The following HPF1 variants were observed in gnomAD, a reference collection of about 807,000 sequenced individuals.
The protein encoded by HPF1 is histone PARylation factor 1.
A neutral mutation model predicts 38.8 loss-of-function variants in HPF1; 35 were observed. The observed-to-expected ratio is 0.90, with a 90% CI of 0.69 to 1.19. The LOEUF is 1.19. Ranked by LOEUF, HPF1 falls within the 50% of genes most tolerant of loss-of-function variation. The pLI is 0.00. For synonymous variants in HPF1, 115 were observed against 139.2 expected (o/e 0.83, Z 1.22); for missense variants, 367 against 405.8 (o/e 0.90, Z 0.82).
At chr4:169,733,628 C>T (rs577836019) in intron 6 of HPF1, among the ~76,000 whole-genome samples, 4 of 152,272 alleles carry the variant, frequency 2.6e-5, no homozygotes, top group African/African-American at 4.8e-5. Flanking sequence ...CAGTGGCTCA[C>T]GCCTGTAATC....
At chr4:169,733,283 T>C (rs1199647132) in intron 6 of HPF1, among the ~76,000 whole-genome samples, 1 of 152,256 alleles carries the variant, frequency 6.6e-6, no homozygotes, top group Non-Finnish European at 1.5e-5. Flanking sequence ...AAGATTTTTT[T>C]CATTCTTTCT....
intron 7 of HPF1, among the ~76,000 whole-genome samples, chr4:169,730,897 G>A (rs1258765942): frequency 6.6e-6 from 1 of 152,242 alleles, no homozygotes; most frequent in African/African-American, 2.4e-5. Flanking sequence ...TCTGGAGCCA[G>A]ACTGCTTGTG....
intron 2 of HPF1, among the ~76,000 whole-genome samples, chr4:169,751,237 T>C (rs1428177358): frequency 1.3e-5 from 2 of 152,056 alleles, no homozygotes; most frequent in East Asian, 1.9e-4. Flanking sequence ...ACCCCGTCTC[T>C]ACTAAAAATA....
chr4:169,733,406 T>C (rs1733854000), intron 6 of HPF1, among the ~76,000 whole-genome samples: 2 of 152,134 alleles, frequency 1.3e-5, no homozygotes, highest in Non-Finnish European at 2.9e-5. Context: ...CAGTACTTCT[T>C]TGAGAATGAA....
chr4:169,732,399 A>G (rs1733841738), intron 6 of HPF1, among the ~76,000 whole-genome samples: 1 of 152,146 alleles, frequency 6.6e-6, no homozygotes, highest in Non-Finnish European at 1.5e-5. Flanking sequence ...TCGGCCTCCC[A>G]AAGTGCTGGG....
At chr4:169,732,792 C>A (rs536555381) in intron 6 of HPF1, among the ~76,000 whole-genome samples, 3 of 152,026 alleles carry the variant, frequency 2.0e-5, no homozygotes, top group African/African-American at 7.2e-5. Flanking sequence ...ATAAAACATA[C>A]GGATTTTAAA....
chr4:169,737,542 C>A, intron 6 of HPF1, 118 bp downstream of exon 6: 1 of 699,048 alleles, frequency 1.4e-6, no homozygotes, highest in South Asian at 1.6e-5. Context: ...CTCTTTATTA[C>A]TAAGGTCTAG....
intron 5 of HPF1, among the ~76,000 whole-genome samples, chr4:169,739,642 A>T (rs1407691918): frequency 6.6e-6 from 1 of 152,178 alleles, no homozygotes; most frequent in East Asian, 1.9e-4. Context: ...ACGTCTAGGA[A>T]TTTCTTCTAA....
intron 5 of HPF1, 77 bp downstream of exon 5, chr4:169,741,880 A>G (rs1205143747): frequency 3.3e-6 from 4 of 1,215,390 alleles, no homozygotes; most frequent in Non-Finnish European, 4.7e-6. Context: ...GAGAAGGGTA[A>G]AGTAGAGATG....
intron 4 of HPF1, among the ~76,000 whole-genome samples, chr4:169,742,798 AT>A (rs1290153682): frequency 2.6e-5 from 4 of 151,770 alleles, no homozygotes; most frequent in East Asian, 3.9e-4. Flanking sequence ...TCTCAAAAAA[AT>A]ATATGTATAT....
At chr4:169,736,123 A>T (rs1419757181) in intron 6 of HPF1, among the ~76,000 whole-genome samples, 2 of 151,992 alleles carry the variant, frequency 1.3e-5, no homozygotes, top group Non-Finnish European at 2.9e-5. Context: ...TCATGCCTAT[A>T]ATCCCAAAAC....
At chr4:169,739,237 A>G (rs563792718) in intron 5 of HPF1, among the ~76,000 whole-genome samples, 19 of 152,344 alleles carry the variant, frequency 1.2e-4, no homozygotes, top group Non-Finnish European at 2.5e-4. Context: ...AAGTCTATCC[A>G]GTGAAATCAA....
chr4:169,741,109 G>A (rs776093545), intron 5 of HPF1, among the ~76,000 whole-genome samples: 58 of 152,162 alleles, frequency 3.8e-4, no homozygotes, highest in Middle Eastern at 3.2e-3. Flanking sequence ...ACTAAAGAGT[G>A]CCTAGAACTT....
At chr4:169,738,388 C>A (rs1231069958) in intron 5 of HPF1, among the ~76,000 whole-genome samples, 1 of 152,212 alleles carries the variant, frequency 6.6e-6, no homozygotes, top group Non-Finnish European at 1.5e-5. Context: ...AGTTTCCATT[C>A]TTCCTTTAGC....
intron 5 of HPF1, among the ~76,000 whole-genome samples, chr4:169,740,062 T>A (rs1030332101): frequency 2.0e-5 from 3 of 152,162 alleles, no homozygotes; most frequent in African/African-American, 7.2e-5. Flanking sequence ...GAAAGCTGTA[T>A]AGGGGTGGGT....
rs758662043 is a variant in HPF1, at chr4:169,737,754, TA to T, written c.649-8del. ...GAAAGGTCTTTGTCACAACCTACAT[TA>T]AAGAAAAGAATAAAATGTAATCATG... On this transcript the variant is annotated splice_polypyrimidine_tract_variant and splice_region_variant and intron_variant, in intron 5 of 7. Coordinates refer to ENST00000393381, the MANE Select transcript of HPF1 (RefSeq NM_017867.3). The T allele has an allele frequency of 1.3e-6, 2 of 1,581,280 alleles. No individual in the cohort carries two copies. The highest frequency in any genetic ancestry group is 2.2e-5 in the South Asian group (2 of 90,284).
In HPF1 at chr4:169,757,890, G is replaced by T. The variant is rs1292493191; in HGVS notation, c.-13C>A. On this transcript the variant is annotated 5_prime_UTR_variant, in exon 1 of 8. It adds an upstream start codon to the 5' untranslated region. Coordinates refer to ENST00000393381, the MANE Select transcript of HPF1 (RefSeq NM_017867.3). Reference sequence around the variant, plus strand: ...CACCGCCGACCATTCTGCAGCTGCAGCGCCAGCAGAATTCCCCGATCCGCG... The same window carrying T: ...CACCGCCGACCATTCTGCAGCTGCATCGCCAGCAGAATTCCCCGATCCGCG... 6 of 1,550,786 alleles carry T rather than the reference G, an allele frequency of 3.9e-6. No individual in the cohort carries two copies. The highest frequency in any genetic ancestry group is 8.7e-7 in the Non-Finnish European group (1 of 1,154,480).
chr4:169,748,923 A>G (rs1734083479), intron 3 of HPF1, 81 bp from the exon 4 acceptor site: 1 of 670,460 alleles, frequency 1.5e-6, no homozygotes, highest in South Asian at 1.9e-5. Context: ...TCTACAGACA[A>G]CAATTTACAC....
chr4:169,732,843 T>TAAAG (rs1282253712), intron 6 of HPF1, among the ~76,000 whole-genome samples: 1 of 152,196 alleles, frequency 6.6e-6, no homozygotes, highest in Non-Finnish European at 1.5e-5. Context: ...CTACTTTATA[T>TAAAG]TAGGTATTCT....
Sources: allele counts gnomAD v4.1 joint callset (sites outside exome capture counted in the v4.1 genomes callset), GRCh38; gene constraint gnomAD v4.1.1; transcripts MANE v1.5; gene names NCBI Gene and HGNC (gene_info 2026-07-23, HGNC 2026-07-21).